The following ODAD2 variants were observed in gnomAD, a reference collection of about 807,000 sequenced individuals.
The protein encoded by ODAD2 is outer dynein arm docking complex subunit 2, also known as outer dynein arm-docking complex subunit 2.
In ODAD2, 89 loss-of-function variants were observed where a neutral mutation model predicts 106.8. The observed-to-expected ratio is 0.83, with a 90% CI of 0.70 to 0.99. The LOEUF is 0.99. ODAD2 is among the 50% of genes least tolerant of loss of function. ODAD2 has a pLI of 0.00. For missense variants in ODAD2, 1,168 were observed against 1,238.5 expected, an observed-to-expected ratio of 0.94 and a Z score of 0.85; for synonymous variants, 404 against 436.2, an observed-to-expected ratio of 0.93 and a Z score of 0.92.
chr10:27,976,215 T>C (rs201535511), intron 7 of ODAD2, among the ~76,000 whole-genome samples: 11,748 of 152,120 alleles, frequency 0.077, 591 homozygotes, highest in African/African-American at 0.13. Context: ...TTCTATTCAA[T>C]TTTTTACTGG....
intron 19 of ODAD2, among the ~76,000 whole-genome samples, chr10:27,847,414 G>T (rs1366369395): frequency 2.0e-5 from 3 of 152,060 alleles, no homozygotes; most frequent in African/African-American, 7.2e-5. Flanking sequence ...GGTATCGATG[G>T]GACGTATCTC....
chr10:27,852,324 C>T (rs1221071455), intron 19 of ODAD2, among the ~76,000 whole-genome samples: 2 of 152,066 alleles, frequency 1.3e-5, no homozygotes, highest in Non-Finnish European at 2.9e-5. Flanking sequence ...CAATTGTTTA[C>T]AGTCAAAAAC....
intron 17 of ODAD2, among the ~76,000 whole-genome samples, chr10:27,894,590 T>TG (rs1312986556): frequency 5.3e-5 from 8 of 152,148 alleles, no homozygotes; most frequent in Non-Finnish European, 1.2e-4. Flanking sequence ...AAAGAAATTT[T>TG]TTTTGAGACA....
intron 19 of ODAD2, among the ~76,000 whole-genome samples, chr10:27,859,138 T>A (rs1839867949): frequency 6.6e-6 from 1 of 152,104 alleles, no homozygotes; most frequent in Admixed American, 6.6e-5. Context: ...AGAAATATCT[T>A]CCTTTTTGAA....
intron 16 of ODAD2, 136 bp downstream of exon 16, chr10:27,934,874 T>G (rs1468200098): frequency 8.6e-7 from 1 of 1,162,012 alleles, no homozygotes; most frequent in African/African-American, 1.5e-5. Flanking sequence ...TTGGTAAACT[T>G]GTGATTATTT....
At chr10:27,954,502 A>C (rs998697294) in intron 10 of ODAD2, among the ~76,000 whole-genome samples, 1 of 120,240 alleles carries the variant, frequency 8.3e-6, no homozygotes, top group African/African-American at 4.0e-5. Flanking sequence ...CGAGTGAATG[A>C]ATGAATGAAT....
intron 9 of ODAD2, among the ~76,000 whole-genome samples, chr10:27,963,604 GACTTA>G (rs536589804): frequency 2.7e-5 from 4 of 149,862 alleles, no homozygotes; most frequent in South Asian, 2.1e-4. Flanking sequence ...CCCCCCACTG[GACTTA>G]ACTTGTTGCT....
chr10:27,829,434 C>T (rs930176597), intron 19 of ODAD2, among the ~76,000 whole-genome samples: 1 of 152,180 alleles, frequency 6.6e-6, no homozygotes, highest in Non-Finnish European at 1.5e-5. Context: ...CTTCCATTTA[C>T]CCTGTTGATA....
Position 27,981,587 on chromosome 10 carries a change from G to C in ODAD2, c.820-5C>G. 1.3e-6 allele frequency: 2 copies of C among 1,524,410 alleles called. No homozygotes were observed. The highest frequency in any genetic ancestry group is 1.7e-6 in the Non-Finnish European group (2 of 1,143,432). 94.4% of individuals were successfully genotyped at this position (1,524,410 alleles called of 1,614,324 possible). A position where few individuals can be genotyped will look rare whatever the true frequency, so the allele number is the denominator to read the frequency against. ...CCCTTCATCATCTGTTTTGCCCTTT[G>C]GGAAAAAACAAGTTTCATTCTATGA... On this transcript the variant is annotated splice_region_variant and splice_polypyrimidine_tract_variant and intron_variant, in intron 6 of 19. Coordinates refer to ENST00000305242, the MANE Select transcript of ODAD2 (RefSeq NM_018076.5).
chr10:27,994,928 T>A lies in ODAD2; in HGVS notation c.215A>T (p.Tyr72Phe). ...CAAGTAACTGGCTTACCTGACAACA[T>A]AACCTGATTCAAATGCTGAGGGCGC... ...SLAPSAFESG[Y>F]VVSETTVKSE... Residue 72 changes from tyrosine to phenylalanine, a missense_variant, in exon 2 of 20, where the codon TAT becomes TTT. Coordinates refer to ENST00000305242, the MANE Select transcript of ODAD2 (RefSeq NM_018076.5). The A allele has an allele frequency of 6.2e-7, 1 of 1,614,128 alleles. No individual in the cohort carries two copies. The highest frequency in any genetic ancestry group is 1.7e-5 in the Admixed American group (1 of 60,022).
intron 19 of ODAD2, among the ~76,000 whole-genome samples, chr10:27,841,462 C>G (rs549742436): frequency 6.6e-6 from 1 of 151,996 alleles, no homozygotes; most frequent in East Asian, 1.9e-4. Context: ...GTGGTGCGAT[C>G]TCAGCTCACT....
intron 19 of ODAD2, among the ~76,000 whole-genome samples, chr10:27,842,975 G>A (rs1838420944): frequency 6.6e-6 from 1 of 152,086 alleles, no homozygotes; most frequent in East Asian, 1.9e-4. Context: ...TTAATATATA[G>A]AGGATCCTAA....
Position 27,998,600 on chromosome 10 carries a change from G to A in ODAD2, c.-39+394C>T, listed in dbSNP as rs569394473. On this transcript the variant is annotated intron_variant, in intron 1 of 19. Transcript: ENST00000305242. ...AGCAGACGGTCCCCAACCTAGGGCCGAGGCAGGGTCTCGCGGGGAGGAAGG... is the reference window on the plus strand; with the variant it reads ...AGCAGACGGTCCCCAACCTAGGGCCAAGGCAGGGTCTCGCGGGGAGGAAGG... 2.1e-3 allele frequency among the ~76,000 whole-genome samples: 320 copies of A among 152,050 alleles called. 2 individuals carry two copies. Among genetic ancestry groups the A allele is most frequent in the African/African-American group, 7.4e-3 (307 of 41,476 alleles).
chr10:27,827,002 G>A lies in ODAD2; in HGVS notation c.3022-14377C>T, dbSNP rs189238985. On this transcript the variant is annotated intron_variant, in intron 19 of 19. Coordinates refer to ENST00000305242, the MANE Select transcript of ODAD2 (RefSeq NM_018076.5). ...CCTCACTTCTTATTCAAGGCCATTC[G>A]TAATCGCTTTGCTATGCATCCAGGG... Among the ~76,000 whole-genome samples, 97 of 152,146 alleles carry A rather than the reference G, an allele frequency of 6.4e-4. 1 individual carries two copies. Among genetic ancestry groups the A allele is most frequent in the Admixed American group, 2.4e-3 (36 of 15,276 alleles).
At chr10:27,994,889 T>C (rs1850458871) in intron 2 of ODAD2, 30 bp downstream of exon 2, 8 of 1,610,866 alleles carry the variant, frequency 5.0e-6, no homozygotes, top group African/African-American at 1.3e-5. Flanking sequence ...AACGAAGATA[T>C]CAAATCCTAG....
intron 17 of ODAD2, among the ~76,000 whole-genome samples, chr10:27,865,982 T>C (rs1183500536): frequency 6.6e-6 from 1 of 152,246 alleles, no homozygotes; most frequent in Non-Finnish European, 1.5e-5. Context: ...GATGTATTCA[T>C]AAGCTTATTT....
chr10:27,893,931 C>G (rs1842713391), intron 17 of ODAD2, among the ~76,000 whole-genome samples: 1 of 152,114 alleles, frequency 6.6e-6, no homozygotes. Context: ...GGGTGGATCA[C>G]CTGGAGCCTG....
chr10:27,825,174 G>A (rs2132919226), intron 19 of ODAD2, among the ~76,000 whole-genome samples: 1 of 152,178 alleles, frequency 6.6e-6, no homozygotes, highest in African/African-American at 2.4e-5. Context: ...AAATTTGTTG[G>A]CTTTACCTTC....
intron 10 of ODAD2, among the ~76,000 whole-genome samples, chr10:27,952,828 T>C (rs1314035141): frequency 6.6e-6 from 1 of 152,166 alleles, no homozygotes; most frequent in Non-Finnish European, 1.5e-5. Flanking sequence ...AGAGTGTAAA[T>C]TGATATTTGC....
Sources: allele counts gnomAD v4.1 joint callset (sites outside exome capture counted in the v4.1 genomes callset), GRCh38; gene constraint gnomAD v4.1.1; transcripts MANE v1.5; gene names NCBI Gene and HGNC (gene_info 2026-07-23, HGNC 2026-07-21).